The following SPHKAP variants were observed in gnomAD, a reference collection of about 807,000 sequenced individuals.
SPHKAP encodes the protein A-kinase anchor protein SPHKAP.
In SPHKAP, 67 loss-of-function variants were observed where a neutral mutation model predicts 137.5. The ratio of observed to expected loss-of-function variants is 0.49; its 90% CI spans 0.40 to 0.60. The LOEUF (loss-of-function observed/expected upper bound fraction) is 0.60, where lower values mean the gene tolerates loss of function less well. Ranked by LOEUF, SPHKAP falls within the 20% of genes least tolerant of loss-of-function variation. The probability of loss-of-function intolerance (pLI) is 0.00; values close to 1 mark genes in which losing one functional copy is unlikely to be tolerated. For missense variants in SPHKAP, 2,097 were observed against 2,069.3 expected (o/e 1.01, Z -0.26); for synonymous variants, 813 against 785.3 (o/e 1.04, Z -0.59).
rs187274462 is a variant in SPHKAP, at chr2:228,132,574, A to G, written c.33-489T>C. On this transcript the variant is annotated intron_variant, in intron 1 of 11. Coordinates refer to ENST00000392056, the MANE Select transcript of SPHKAP (RefSeq NM_001142644.2). ...AGAAAATGCAGGTAATGTCTTTACC[A>G]TTCCTGCGGCTGGAGATAGCTCCTC... 3.2e-3 allele frequency: 2,653 copies of G among 826,738 alleles called. 12 individuals carry two copies. Among genetic ancestry groups the G allele is most frequent in the Non-Finnish European group, 3.4e-3 (2,341 of 685,110 alleles). The allele number at this position is 826,738 out of a possible 1,614,324, so 51.2% of individuals were successfully genotyped here.
chr2:228,108,578 C>T lies in SPHKAP; in HGVS notation c.246+254G>A, dbSNP rs546163481. 4.7e-4 allele frequency among the ~76,000 whole-genome samples: 72 copies of T among 152,120 alleles called. 1 individual carries two copies. Among genetic ancestry groups the T allele is most frequent in the Middle Eastern group, 6.8e-3 (2 of 292 alleles). The stretch of plus-strand genomic sequence containing the variant: ...TACAATTCTATTTCTGAATCTTTTT[C>T]GCAGTCATTTTTGTAAATATAAACA... On this transcript the variant is annotated intron_variant, in intron 3 of 11. Transcript: ENST00000392056.
chr2:228,081,351 T>C (rs984590818), intron 3 of SPHKAP, among the ~76,000 whole-genome samples: 12 of 152,226 alleles, frequency 7.9e-5, no homozygotes, highest in African/African-American at 2.7e-4. Flanking sequence ...GACCACAGAC[T>C]GTTTGATTCC....
intron 3 of SPHKAP, among the ~76,000 whole-genome samples, chr2:228,098,025 C>T (rs2106334879): frequency 6.6e-6 from 1 of 152,286 alleles, no homozygotes; most frequent in South Asian, 2.1e-4. Context: ...GATTAAATAG[C>T]AGTTCTGTTT....
chr2:228,025,343 T>G, intron 5 of SPHKAP, 51 bp downstream of exon 5: 39 of 1,601,670 alleles, frequency 2.4e-5, no homozygotes, highest in Non-Finnish European at 3.2e-5. Context: ...TGATCTGTGC[T>G]GAGCTAACTA....
intron 4 of SPHKAP, chr2:228,026,000 G>A (rs745421111): frequency 1.8e-5 from 5 of 274,228 alleles, no homozygotes; most frequent in East Asian, 1.8e-4. Flanking sequence ...TCATGGGGGC[G>A]AGTCTCTCCT....
At chr2:228,179,459 G>A (rs576744091) in intron 1 of SPHKAP, among the ~76,000 whole-genome samples, 1 of 152,132 alleles carries the variant, frequency 6.6e-6, no homozygotes, top group Non-Finnish European at 1.5e-5. Flanking sequence ...TATAGAAAAG[G>A]AATGGTGTTT....
chr2:228,070,446 T>C (rs988451926), intron 3 of SPHKAP, among the ~76,000 whole-genome samples: 6 of 152,038 alleles, frequency 3.9e-5, no homozygotes, highest in Admixed American at 2.6e-4. Context: ...ATTCACTTTT[T>C]CATTTCTGTA....
intron 3 of SPHKAP, among the ~76,000 whole-genome samples, chr2:228,088,846 C>T (rs1459508163): frequency 3.3e-5 from 5 of 152,166 alleles, no homozygotes; most frequent in Non-Finnish European, 7.3e-5. Flanking sequence ...GAGCATATAC[C>T]AGGGCCATGC....
intron 3 of SPHKAP, among the ~76,000 whole-genome samples, chr2:228,045,191 G>A (rs202011597): frequency 2.2e-4 from 33 of 151,474 alleles, no homozygotes; most frequent in East Asian, 1.9e-3. Flanking sequence ...GCAGTGTGGC[G>A]ATTCCTCAGG....
chr2:228,035,814 A>C (rs1452637551), intron 3 of SPHKAP, among the ~76,000 whole-genome samples: 1 of 152,244 alleles, frequency 6.6e-6, no homozygotes, highest in Admixed American at 6.5e-5. Context: ...GGTGCTGGGA[A>C]AACTGGCTGG....
rs1700893865 is a variant in SPHKAP at position 228,181,075 on chromosome 2, TGTCG to T, written c.32+488_32+491del. Among the ~76,000 whole-genome samples the T allele has an allele frequency of 6.6e-6, 1 of 151,876 alleles. No individual in the cohort carries two copies. The highest frequency in any genetic ancestry group is 1.5e-5 in the Non-Finnish European group (1 of 67,942). ...GATCTCGCTTTGGGGGCAGTCTAGG[TGTCG>T]GTCGGGGGTGAGGGACAATCTTCCC... On this transcript the variant is annotated intron_variant, in intron 1 of 11. Transcript: ENST00000392056. This position sits in a 1 kb window ranked among gnomAD's most constrained non-coding sequence, Gnocchi z 4.3.
chr2:228,109,705 C>T (rs1033437656), intron 2 of SPHKAP, among the ~76,000 whole-genome samples: 6 of 152,064 alleles, frequency 3.9e-5, no homozygotes, highest in African/African-American at 1.4e-4. Flanking sequence ...GTGGGTTACA[C>T]CTGTAATCCC....
Position 227,993,618 on chromosome 2 carries a change from T to C in SPHKAP, c.4637A>G (p.Asn1546Ser), listed in dbSNP as rs375826058. 34 of 1,589,098 alleles carry C rather than the reference T, an allele frequency of 2.1e-5. No homozygotes were observed. Among genetic ancestry groups the C allele is most frequent in the African/African-American group, 2.7e-5 (2 of 74,598 alleles). ...ACTGCTAGTGGCACTACTGTTGCCA[T>C]TGCTGACAAAGCAAAAGTTTACATA... ...FLQLSERSMS[N>S]GNSSATSSLG... is the part of the protein sequence containing the mutation. Residue 1546 changes from asparagine (N) to serine (S), a missense_variant and splice_region_variant, in exon 9 of 12, where the codon AAT becomes AGT. Physicochemically the swap from Asn to Ser is conservative, Grantham distance 46. Transcript: ENST00000392056.
rs1559347195 is a variant in SPHKAP at position 228,016,583 on chromosome 2, C to T, written c.4271G>A (p.Arg1424Lys). Residue 1424 changes from arginine to lysine, a missense_variant, in exon 7 of 12, where the codon AGG becomes AAG. Arg to Lys is a conservative substitution (Grantham distance 26). Coordinates refer to ENST00000392056, the MANE Select transcript of SPHKAP (RefSeq NM_001142644.2). The part of the protein sequence containing the change: ...INHKRRSLCS[R>K]EVPLIQIETD... ...TTCAATCTGAATCAAAGGCACTTCC[C>T]TCGAGCAAAGTGATCGCCTTTTGTG... is the stretch of plus-strand genomic sequence containing the variant. The T allele has an allele frequency of 1.9e-6, 3 of 1,614,112 alleles. No individual in the cohort carries two copies. The highest frequency in any genetic ancestry group is 2.2e-5 in the South Asian group (2 of 91,064).
At chr2:228,100,859 ATAGAAAGAGT>A (rs1698164157) in intron 3 of SPHKAP, among the ~76,000 whole-genome samples, 1 of 152,186 alleles carries the variant, frequency 6.6e-6, no homozygotes, top group Non-Finnish European at 1.5e-5. Flanking sequence ...TGCTGGCTAC[ATAGAAAGAGT>A]TAGGAAGGAG....
chr2:227,980,382 AC>A lies in SPHKAP; in HGVS notation c.*1334del, dbSNP rs924070804. ...TGAGGCCAGCATTCATGGTATGGGAACCTGTTCACATTTAAAATTACTTTGT... is the reference window on the plus strand; with the variant it reads ...TGAGGCCAGCATTCATGGTATGGGAACTGTTCACATTTAAAATTACTTTGT... On this transcript the variant is annotated 3_prime_UTR_variant, in exon 12 of 12. Transcript: ENST00000392056. 6.6e-6 allele frequency: 1 copy of A among 152,162 alleles called. No homozygotes were observed. Among genetic ancestry groups the A allele is most frequent in the African/African-American group, 2.4e-5 (1 of 41,448 alleles). The allele number at this position is 152,162 out of a possible 1,614,324, so 9.4% of individuals were successfully genotyped here. A position where few individuals can be genotyped will look rare whatever the true frequency, so the allele number is the denominator to read the frequency against.
At chr2:228,025,786 CATT>C (rs2106227389) in intron 4 of SPHKAP, 2 of 824,444 alleles carry the variant, frequency 2.4e-6, no homozygotes, top group Non-Finnish European at 2.9e-6. Context: ...ATAAAGTAAA[CATT>C]ATGATAGTAA....
intron 2 of SPHKAP, chr2:228,109,358 T>A: frequency 1.0e-6 from 1 of 984,562 alleles, no homozygotes; most frequent in African/African-American, 1.7e-5. Flanking sequence ...GGAATATTGA[T>A]TCTTCACTTC....
chr2:227,995,515 G>T lies in SPHKAP; in HGVS notation c.4628C>A (p.Ser1543Tyr). Residue 1543 changes from serine (S) to tyrosine (Y), a missense_variant, in exon 8 of 12, where the codon TCC (serine) becomes TAC (tyrosine). Coordinates refer to ENST00000392056, the MANE Select transcript of SPHKAP (RefSeq NM_001142644.2). ...TSSFLQLSER[S>Y]MSNGNSSATS... ...TCAAGGGAAGAGCAGGTACCTCATGGATCGCTCACTGAGCTGGAGAAAGCT... is the reference window on the plus strand; with the variant it reads ...TCAAGGGAAGAGCAGGTACCTCATGTATCGCTCACTGAGCTGGAGAAAGCT... 1 of 1,614,040 alleles carries T rather than the reference G, an allele frequency of 6.2e-7. No homozygotes were observed.
Sources: gnomAD v4.1 joint callset for allele counts (sites outside exome capture counted in the v4.1 genomes callset) on GRCh38, gnomAD v4.1.1 for gene constraint, Gnocchi (gnomAD v3.1) non-coding constraint, MANE v1.5 for transcripts, NCBI Gene and HGNC (gene_info 2026-07-23, HGNC 2026-07-21) for gene names.